GRB14: variants seen among roughly 807,000 people sequenced by gnomAD.
The protein encoded by GRB14 is growth factor receptor bound protein 14, also known as growth factor receptor-bound protein 14.
In GRB14, 38 loss-of-function variants were observed where a neutral mutation model predicts 69.1. The observed-to-expected ratio is 0.55, with a 90% CI of 0.42 to 0.72. The LOEUF is 0.72. GRB14 is among the 30% of genes least tolerant of loss of function. The pLI is 0.00. For missense variants in GRB14, 666 were observed against 666.1 expected (o/e 1.00, Z 0.00); for synonymous variants, 247 against 241.3 (o/e 1.02, Z -0.22).
intron 2 of GRB14, among the ~76,000 whole-genome samples, chr2:164,550,061 G>A (rs1688496703): frequency 6.6e-6 from 1 of 152,022 alleles, no homozygotes; most frequent in Admixed American, 6.6e-5. Context: ...CTCCATCTCA[G>A]GTATGAATAT....
In GRB14 at chr2:164,621,050, G is replaced by T; in HGVS notation, c.191+69C>A. The T allele has an allele frequency of 8.3e-7, 1 of 1,210,044 alleles. No homozygotes were observed. Among genetic ancestry groups the T allele is most frequent in the Non-Finnish European group, 1.0e-6 (1 of 957,660 alleles). The allele number at this position is 1,210,044 out of a possible 1,614,324, so 75.0% of individuals were successfully genotyped here. On this transcript the variant is annotated intron_variant, in intron 1 of 13. Coordinates refer to ENST00000263915, the MANE Select transcript of GRB14 (RefSeq NM_004490.3). The surrounding 1 kb of genome is among the most constrained non-coding windows in gnomAD (Gnocchi z 6.0). The stretch of plus-strand genomic sequence containing the variant: ...TCTGGGCACATGGCTCACCCCCTAG[G>T]ACCGCCTCCTCACCCCCTCGCCGGC...
intron 2 of GRB14, among the ~76,000 whole-genome samples, chr2:164,595,453 G>A (rs913957704): frequency 7.2e-5 from 11 of 152,182 alleles, no homozygotes; most frequent in African/African-American, 2.7e-4. Flanking sequence ...GAGGACATTA[G>A]GAAATGCTAT....
In GRB14 at chr2:164,497,237, G is replaced by T. The variant is rs372519668; in HGVS notation, c.1268C>A (p.Ser423Tyr). ...RLGTHGSPTA[S>Y]SQSSATNMAI... ...CATGTTTGTGGCAGAGCTCTGTGAA[G>T]AGGCAGTGGGGCTACCGTGAGTGCC... is the stretch of plus-strand genomic sequence containing the variant. Residue 423 changes from serine to tyrosine, a missense_variant, in exon 11 of 14, where the codon TCT becomes TAT. By Grantham distance (144) the Ser-to-Tyr change is moderately radical (BLOSUM62 -2). Transcript: ENST00000263915. The T allele has an allele frequency of 2.2e-5, 35 of 1,613,764 alleles. No individual in the cohort carries two copies. Among genetic ancestry groups the T allele is most frequent in the Middle Eastern group, 1.6e-4 (1 of 6,078 alleles).
intron 2 of GRB14, chr2:164,573,616 T>A: frequency 7.4e-7 from 1 of 1,350,012 alleles, no homozygotes; most frequent in Non-Finnish European, 1.0e-6. Flanking sequence ...TTTTATTATT[T>A]CATCTTTCTT....
intron 2 of GRB14, among the ~76,000 whole-genome samples, chr2:164,583,796 C>T (rs1248173667): frequency 6.6e-6 from 1 of 152,024 alleles, no homozygotes; most frequent in African/African-American, 2.4e-5. Flanking sequence ...AAATAGAAAT[C>T]ATTTCTTCAT....
chr2:164,573,431 C>T (rs1381212703), intron 2 of GRB14, among the ~76,000 whole-genome samples: 1 of 152,196 alleles, frequency 6.6e-6, no homozygotes, highest in East Asian at 1.9e-4. Context: ...TATTCTTTCA[C>T]TATCTGACAC....
intron 2 of GRB14, among the ~76,000 whole-genome samples, chr2:164,578,620 T>A (rs563726789): frequency 6.6e-6 from 1 of 151,590 alleles, no homozygotes; most frequent in African/African-American, 2.4e-5. Flanking sequence ...TACATTAACA[T>A]AAGGCATCTT....
chr2:164,542,776 C>T (rs1574290176), intron 3 of GRB14, among the ~76,000 whole-genome samples: 2 of 152,284 alleles, frequency 1.3e-5, no homozygotes, highest in South Asian at 2.1e-4. Context: ...AAAGGGAATG[C>T]TTATACACTG....
intron 2 of GRB14, among the ~76,000 whole-genome samples, chr2:164,614,384 CT>C (rs1219989163): frequency 1.3e-5 from 2 of 152,114 alleles, no homozygotes; most frequent in African/African-American, 4.8e-5. Context: ...TTCCAAAGAG[CT>C]AATTTTCAGA....
rs576423317 is a variant in GRB14 at position 164,523,238 on chromosome 2, A to C, written c.679-1121T>G. On this transcript the variant is annotated intron_variant, in intron 5 of 13. Coordinates refer to ENST00000263915, the MANE Select transcript of GRB14 (RefSeq NM_004490.3). ...GATGCCTGTCCCACAAATTGTTGGCAAAATGTAAATGGATACTTTAAACCA... is the reference window on the plus strand; with the variant it reads ...GATGCCTGTCCCACAAATTGTTGGCCAAATGTAAATGGATACTTTAAACCA... Among the ~76,000 whole-genome samples, 20 of 152,234 alleles carry C rather than the reference A, an allele frequency of 1.3e-4. No individual in the cohort carries two copies. The East Asian group carries it at 3.9e-3, about 29-fold the overall frequency.
chr2:164,596,920 T>A (rs1689795924), intron 2 of GRB14, among the ~76,000 whole-genome samples: 1 of 152,078 alleles, frequency 6.6e-6, no homozygotes, highest in Non-Finnish European at 1.5e-5. Flanking sequence ...AAAAAAAAAA[T>A]GATTCCTAGA....
At chr2:164,579,336 T>C (rs998746301) in intron 2 of GRB14, among the ~76,000 whole-genome samples, 2 of 152,170 alleles carry the variant, frequency 1.3e-5, no homozygotes, top group African/African-American at 2.4e-5. Context: ...TTGAGCTATA[T>C]ATACATTTAA....
At chr2:164,559,966 T>C (rs1011200977) in intron 2 of GRB14, among the ~76,000 whole-genome samples, 1 of 152,212 alleles carries the variant, frequency 6.6e-6, no homozygotes, top group African/African-American at 2.4e-5. Context: ...AAATGGAATC[T>C]ATACTGTTTA....
chr2:164,610,432 ATTTTCAT>A lies in GRB14; in HGVS notation c.324+9248_324+9254del, dbSNP rs1177469331. ...GAAATATCTTGATTACACGGATCAA[ATTTTCAT>A]ACGTGTTAAATGAAAGCAAAAGATA... On this transcript the variant is annotated intron_variant, in intron 2 of 13. Transcript: ENST00000263915. Among the ~76,000 whole-genome samples, 38 of 152,244 alleles carry A rather than the reference ATTTTCAT, an allele frequency of 2.5e-4. No individual in the cohort carries two copies. In the South Asian group the frequency reaches 5.2e-3, roughly 21 times the overall value.
chr2:164,573,036 C>T (rs1689158882), intron 2 of GRB14, among the ~76,000 whole-genome samples: 1 of 152,148 alleles, frequency 6.6e-6, no homozygotes, highest in South Asian at 2.1e-4. Flanking sequence ...ATCAAGCAGC[C>T]ATCCCTCCAT....
chr2:164,608,633 T>C (rs1454092181), intron 2 of GRB14, among the ~76,000 whole-genome samples: 1 of 151,908 alleles, frequency 6.6e-6, no homozygotes, highest in African/African-American at 2.4e-5. Flanking sequence ...CTAAGAGTTC[T>C]GGGGAGTATG....
chr2:164,584,234 A>C (rs1689483472), intron 2 of GRB14, among the ~76,000 whole-genome samples: 1 of 132,044 alleles, frequency 7.6e-6, no homozygotes, highest in Non-Finnish European at 1.5e-5. Flanking sequence ...TGAACTCCTG[A>C]GCTCAGGTAA....
At chr2:164,602,884 T>C (rs943541637) in intron 2 of GRB14, among the ~76,000 whole-genome samples, 2 of 152,188 alleles carry the variant, frequency 1.3e-5, no homozygotes, top group African/African-American at 2.4e-5. Context: ...AAAGATATGT[T>C]ATTTGAAGCT....
At chr2:164,534,584 A>G (rs1688033118) in intron 3 of GRB14, among the ~76,000 whole-genome samples, 1 of 152,166 alleles carries the variant, frequency 6.6e-6, no homozygotes, top group Non-Finnish European at 1.5e-5. Context: ...TGGTCTAGCC[A>G]AAAAACACCA....
Sources: allele counts gnomAD v4.1 joint callset (sites outside exome capture counted in the v4.1 genomes callset), GRCh38; gene constraint gnomAD v4.1.1; non-coding constraint Gnocchi (gnomAD v3.1); transcripts MANE v1.5; gene names NCBI Gene and HGNC (gene_info 2026-07-23, HGNC 2026-07-21).